Variants in ALPK2 observed in about 807,000 individuals in gnomAD.
The protein encoded by ALPK2 is alpha-protein kinase 2.
In ALPK2, 127 loss-of-function variants were observed where a neutral mutation model predicts 163.1. The observed-to-expected ratio is 0.78, with a 90% CI of 0.67 to 0.90. The LOEUF is 0.90. ALPK2 is among the 40% of genes least tolerant of loss of function. The pLI, the probability that ALPK2 is intolerant of heterozygous loss-of-function variation, is 0.00. For missense variants in ALPK2, 2,360 were observed against 2,589.6 expected, an observed-to-expected ratio of 0.91 and a Z score of 1.92; for synonymous variants, 953 against 959.1, an observed-to-expected ratio of 0.99 and a Z score of 0.12.
rs3809977 is a variant in ALPK2 at position 58,536,666 on chromosome 18, T to G, written c.3521A>C (p.His1174Pro). 1,228,576 of 1,613,292 alleles carry G rather than the reference T, an allele frequency of 0.76. 471,526 individuals carry two copies. Among genetic ancestry groups the G allele is most frequent in the East Asian group, 0.81 (36,213 of 44,840 alleles). ...TCCTTCCCTAGAGCTTGCGGGTGAG[T>G]GGGCCGTGGGCACCAAGTTTCTTTC... ...QEERNLVPTA[H>P]SPASSREGAG... Residue 1174 changes from histidine to proline, a missense_variant, in exon 5 of 13, where the codon CAC becomes CCC. By Grantham distance (77) the His-to-Pro change is moderately conservative. Coordinates refer to ENST00000361673, the MANE Select transcript of ALPK2 (RefSeq NM_052947.4).
intron 9 of ALPK2, 64 bp from the exon 10 acceptor site, chr18:58,515,145 T>C: frequency 1.6e-6 from 2 of 1,260,170 alleles, no homozygotes; most frequent in South Asian, 2.7e-5. Context: ...TATTGCCCAG[T>C]AAGACTATTC....
intron 10 of ALPK2, chr18:58,511,663 C>T (rs1232545296): frequency 6.6e-6 from 1 of 152,168 alleles, no homozygotes; most frequent in Non-Finnish European, 1.5e-5. Flanking sequence ...ACACAACATT[C>T]AATAGAATTT....
chr18:58,564,313 G>A (rs1333300281), intron 4 of ALPK2, among the ~76,000 whole-genome samples: 1 of 151,420 alleles, frequency 6.6e-6, no homozygotes, highest in African/African-American at 2.4e-5. Context: ...GTAGAGATGG[G>A]GTTTCTCCAT....
chr18:58,523,245 C>T (rs1349654007), intron 8 of ALPK2, among the ~76,000 whole-genome samples: 2 of 151,698 alleles, frequency 1.3e-5, no homozygotes, highest in South Asian at 2.1e-4. Flanking sequence ...GACATGAACT[C>T]ATCATTTTTT....
chr18:58,487,326 G>A (rs1470957173), intron 12 of ALPK2, among the ~76,000 whole-genome samples: 1 of 152,132 alleles, frequency 6.6e-6, no homozygotes, highest in Non-Finnish European at 1.5e-5. Context: ...TATCAGTCAA[G>A]GAACTCCAAG....
intron 12 of ALPK2, among the ~76,000 whole-genome samples, chr18:58,491,040 G>T (rs1318637144): frequency 6.6e-6 from 1 of 152,182 alleles, no homozygotes. Flanking sequence ...CCTGAGATTC[G>T]CCCACTGTCC....
chr18:58,628,711 T>C (rs1014280905), intron 1 of ALPK2, 53 bp downstream of exon 1: 12 of 152,174 alleles, frequency 7.9e-5, no homozygotes, highest in Admixed American at 5.2e-4. Flanking sequence ...TAAACAACTA[T>C]ATATTGAAAG....
At chr18:58,571,975 CAAAAAAAAA>C (rs35927788) in intron 4 of ALPK2, among the ~76,000 whole-genome samples, 1 of 66,616 alleles carries the variant, frequency 1.5e-5, no homozygotes, top group East Asian at 4.6e-4. Flanking sequence ...GACTCCATCT[CAAAAAAAAA>C]AAAAAAAAAA....
chr18:58,579,214 C>A lies in ALPK2; in HGVS notation c.1562G>T (p.Gly521Val), dbSNP rs1318612749. 1.2e-6 allele frequency: 2 copies of A among 1,614,108 alleles called. No homozygotes were observed. Among genetic ancestry groups the A allele is most frequent in the East Asian group, 4.5e-5 (2 of 44,886 alleles). The change falls in exon 4 of 13, where the codon GGG (glycine) becomes GTG (valine). Residue 521 changes from glycine to valine, a missense_variant. Coordinates refer to ENST00000361673, the MANE Select transcript of ALPK2 (RefSeq NM_052947.4). Reference sequence around the variant, plus strand: ...CCTCTTGCTCCATAAGTCCTTTCCCCCCACTCTCTTGTCAGCTGCCGTCTC... The same window carrying A: ...CCTCTTGCTCCATAAGTCCTTTCCCACCACTCTCTTGTCAGCTGCCGTCTC... ...CWETAADKRV[G>V]GKDLWSKRGS... is the part of the protein sequence containing the mutation.
chr18:58,491,139 A>T (rs1195845221), intron 12 of ALPK2, among the ~76,000 whole-genome samples: 1 of 152,188 alleles, frequency 6.6e-6, no homozygotes, highest in Non-Finnish European at 1.5e-5. Flanking sequence ...TATAACTGAG[A>T]AAATTGTGAC....
At chr18:58,605,555 A>G (rs1350234398) in intron 3 of ALPK2, among the ~76,000 whole-genome samples, 3 of 152,196 alleles carry the variant, frequency 2.0e-5, no homozygotes, top group Non-Finnish European at 4.4e-5. Flanking sequence ...CTTGTCATCA[A>G]TCCTGAGCAA....
chr18:58,621,785 T>C (rs940674764), intron 1 of ALPK2, among the ~76,000 whole-genome samples: 7 of 152,208 alleles, frequency 4.6e-5, no homozygotes, highest in African/African-American at 1.7e-4. Flanking sequence ...TGAATTTATG[T>C]ATCTTACCTA....
chr18:58,556,223 T>C (rs749097769), intron 4 of ALPK2, among the ~76,000 whole-genome samples: 2 of 151,880 alleles, frequency 1.3e-5, no homozygotes, highest in Non-Finnish European at 2.9e-5. Context: ...TGAACAGGTA[T>C]ATAGTAAAAA....
At chr18:58,539,990 A>G (rs1354733520) in intron 4 of ALPK2, among the ~76,000 whole-genome samples, 4 of 152,244 alleles carry the variant, frequency 2.6e-5, no homozygotes, top group Non-Finnish European at 5.9e-5. Context: ...GAAATTTAAT[A>G]TAAACTCCAT....
chr18:58,485,924 T>G (rs2051336692), intron 12 of ALPK2, among the ~76,000 whole-genome samples: 4 of 151,700 alleles, frequency 2.6e-5, no homozygotes, highest in Admixed American at 2.6e-4. Context: ...GCCTCGAGGC[T>G]TTTCAAATTC....
At chr18:58,492,095 T>C (rs2051378053) in intron 12 of ALPK2, among the ~76,000 whole-genome samples, 1 of 152,076 alleles carries the variant, frequency 6.6e-6, no homozygotes, top group Admixed American at 6.6e-5. Flanking sequence ...TCCCTCATTG[T>C]TTTCCCACAG....
At chr18:58,498,020 T>C (rs769646785) in intron 12 of ALPK2, 29 bp downstream of exon 12, 2 of 1,611,436 alleles carry the variant, frequency 1.2e-6, no homozygotes, top group South Asian at 2.2e-5. Flanking sequence ...CAGTGTTAAT[T>C]GATGCACACT....
chr18:58,625,562 C>T (rs1054836273), intron 1 of ALPK2, among the ~76,000 whole-genome samples: 5 of 152,206 alleles, frequency 3.3e-5, no homozygotes, highest in Non-Finnish European at 7.3e-5. Flanking sequence ...AGCCCAGGAA[C>T]CTTTATTTTA....
Position 58,539,426 on chromosome 18 carries a change from G to A in ALPK2, c.1963-1202C>T, listed in dbSNP as rs773070772. 3.9e-5 allele frequency among the ~76,000 whole-genome samples: 6 copies of A among 152,250 alleles called. No homozygotes were observed. In the East Asian group the frequency reaches 7.7e-4, roughly 20 times the overall value. On this transcript the variant is annotated intron_variant, in intron 4 of 12. Coordinates refer to ENST00000361673, the MANE Select transcript of ALPK2 (RefSeq NM_052947.4). Reference sequence around the variant, plus strand: ...GAGCCTTTCATGGTACTATATGAACGTTCCATGATATTGGATATTGTTCAA... The same window carrying A: ...GAGCCTTTCATGGTACTATATGAACATTCCATGATATTGGATATTGTTCAA...
Sources: gnomAD v4.1 joint callset for allele counts (sites outside exome capture counted in the v4.1 genomes callset) on GRCh38, gnomAD v4.1.1 for gene constraint, MANE v1.5 for transcripts, NCBI Gene and HGNC (gene_info 2026-07-23, HGNC 2026-07-21) for gene names.